RIN2: variants seen among roughly 807,000 people sequenced by gnomAD.
RIN2 encodes Ras and Rab interactor 2.
Under a neutral mutation model 78.0 loss-of-function variants are expected in RIN2, and 36 were observed. The observed-to-expected ratio is 0.46, with a 90% confidence interval of 0.35 to 0.61. RIN2 has a LOEUF of 0.61. Ranked by LOEUF, RIN2 falls within the 20% of genes least tolerant of loss-of-function variation. The pLI is 0.00. For synonymous variants in RIN2, 466 were observed against 466.8 expected (o/e 1.00, Z 0.02); for missense variants, 1,087 against 1,159.7 (o/e 0.94, Z 0.91).
intron 3 of RIN2, among the ~76,000 whole-genome samples, chr20:19,898,720 A>G (rs567891813): frequency 1.3e-5 from 2 of 152,328 alleles, no homozygotes; most frequent in South Asian, 4.1e-4. Flanking sequence ...CATTAATACC[A>G]CATAAGTCAA....
chr20:19,901,493 G>A (rs2038980357), intron 3 of RIN2, among the ~76,000 whole-genome samples: 1 of 152,176 alleles, frequency 6.6e-6, no homozygotes, highest in African/African-American at 2.4e-5. Flanking sequence ...CAATCAGTGT[G>A]CTACGATTGA....
At chr20:19,826,033 A>G (rs1248595467) in intron 2 of RIN2, among the ~76,000 whole-genome samples, 2 of 152,246 alleles carry the variant, frequency 1.3e-5, no homozygotes, top group Non-Finnish European at 2.9e-5. Context: ...TTCAGTTTAT[A>G]GCATAAAAGT....
intron 1 of RIN2, among the ~76,000 whole-genome samples, chr20:19,760,921 T>G (rs1396400458): frequency 1.3e-5 from 2 of 152,180 alleles, no homozygotes; most frequent in Non-Finnish European, 2.9e-5. Context: ...AGCAATACAG[T>G]GGACCTCACT....
At chr20:19,823,703 T>C (rs2035996412) in intron 2 of RIN2, 2 of 1,586,874 alleles carry the variant, frequency 1.3e-6, no homozygotes, top group Non-Finnish European at 1.7e-6. Context: ...GCTTTGATGA[T>C]CATGGCAGAG....
At chr20:19,894,616 C>A (rs1191907982) in intron 3 of RIN2, among the ~76,000 whole-genome samples, 5 of 152,182 alleles carry the variant, frequency 3.3e-5, no homozygotes, top group Non-Finnish European at 7.3e-5. Flanking sequence ...CCTTTCCTGT[C>A]CTATATCCTG....
At chr20:19,830,383 G>C (rs183467391) in intron 2 of RIN2, among the ~76,000 whole-genome samples, 21 of 152,154 alleles carry the variant, frequency 1.4e-4, no homozygotes, top group African/African-American at 4.8e-4. Flanking sequence ...TCTCTTTCAT[G>C]CTTCATTCTT....
intron 3 of RIN2, among the ~76,000 whole-genome samples, chr20:19,903,854 C>T (rs1016316664): frequency 2.8e-4 from 43 of 152,064 alleles, no homozygotes; most frequent in Non-Finnish European, 7.3e-5. Flanking sequence ...TATTTAGCAC[C>T]CAGTGTCCTG....
intron 2 of RIN2, among the ~76,000 whole-genome samples, chr20:19,844,698 C>CTCTTCT (rs869169793): frequency 0.02 from 532 of 26,190 alleles, 17 homozygotes; most frequent in South Asian, 0.064. Context: ...CTTCCTCTTC[C>CTCTTCT]TCTTCTTCTT....
At chr20:19,981,461 A>T (rs2042451355) in intron 9 of RIN2, among the ~76,000 whole-genome samples, 1 of 152,176 alleles carries the variant, frequency 6.6e-6, no homozygotes, top group Non-Finnish European at 1.5e-5. Flanking sequence ...CACTCAAGGG[A>T]TGGAGTAGAA....
chr20:19,937,301 G>A (rs2040685034), intron 4 of RIN2, among the ~76,000 whole-genome samples: 1 of 152,244 alleles, frequency 6.6e-6, no homozygotes, highest in South Asian at 2.1e-4. Flanking sequence ...AGACCAGTAG[G>A]TAGCAGAGTT....
intron 2 of RIN2, among the ~76,000 whole-genome samples, chr20:19,838,742 G>A (rs1026065723): frequency 1.3e-5 from 2 of 152,094 alleles, no homozygotes; most frequent in African/African-American, 4.8e-5. Flanking sequence ...GACAGGTTTG[G>A]CACTGTTTGG....
At chr20:19,808,528 G>C (rs536663510) in intron 2 of RIN2, among the ~76,000 whole-genome samples, 5 of 152,310 alleles carry the variant, frequency 3.3e-5, no homozygotes, top group Admixed American at 3.3e-4. Context: ...TTTTCTATTT[G>C]CACAGCAAAA....
At chr20:19,850,988 GAAAAGGAAGGAAGGAAGGAAGGAA>G (rs1417946274) in intron 2 of RIN2, among the ~76,000 whole-genome samples, 2 of 118,200 alleles carry the variant, frequency 1.7e-5, no homozygotes, top group Non-Finnish European at 3.4e-5. Flanking sequence ...AAGAAAGGGA[GAAAAGGAAGGAAGGAAGGAAGGAA>G]GGAAGGAAGG....
intron 1 of RIN2, among the ~76,000 whole-genome samples, chr20:19,780,632 G>A (rs1252059321): frequency 6.6e-6 from 1 of 152,318 alleles, no homozygotes; most frequent in African/African-American, 2.4e-5. Context: ...AAGGCCAGAT[G>A]GAGAGGTGGG....
intron 9 of RIN2, among the ~76,000 whole-genome samples, chr20:19,988,390 G>A (rs370152912): frequency 6.6e-6 from 1 of 152,204 alleles, no homozygotes; most frequent in Non-Finnish European, 1.5e-5. Context: ...AAAGTGCTGG[G>A]ATTACAGTCA....
chr20:19,783,370 C>G (rs960786253), intron 1 of RIN2, among the ~76,000 whole-genome samples: 1 of 152,154 alleles, frequency 6.6e-6, no homozygotes. Flanking sequence ...CATGCCACAC[C>G]AGGGTTCTCT....
intron 2 of RIN2, among the ~76,000 whole-genome samples, chr20:19,808,910 G>A (rs979798426): frequency 6.6e-6 from 1 of 152,202 alleles, no homozygotes; most frequent in African/African-American, 2.4e-5. Context: ...GGCAGAGCCG[G>A]CCTAAAGGGA....
At chr20:19,826,931 T>TG (rs1568788687) in intron 2 of RIN2, among the ~76,000 whole-genome samples, 3 of 151,126 alleles carry the variant, frequency 2.0e-5, no homozygotes, top group African/African-American at 7.3e-5. Flanking sequence ...TTTTTGTTAT[T>TG]GTTGGTGGTG....
Position 19,935,161 on chromosome 20 carries a change from C to T in RIN2, c.120C>T (p.Val40=), listed in dbSNP as rs1167885590. 6.2e-7 allele frequency: 1 copy of T among 1,604,372 alleles called. No individual in the cohort carries two copies. The highest frequency in any genetic ancestry group is 8.5e-7 in the Non-Finnish European group (1 of 1,175,388). The change falls in exon 4 of 13, where the codon GTC becomes GTT. Residue 40 remains valine (V), a synonymous_variant. Coordinates refer to ENST00000255006, the MANE Select transcript of RIN2 (RefSeq NM_018993.4). ...AACAGGAGATGGTGCGGACAGATGTCAACCTGGAAAATGGCCTGGAACCCG... is the reference window on the plus strand; with the variant it reads ...AACAGGAGATGGTGCGGACAGATGTTAACCTGGAAAATGGCCTGGAACCCG... The part of the protein sequence containing the change: ...ELKQEMVRTD[V]NLENGLEPAE...
Sources: allele counts gnomAD v4.1 joint callset (sites outside exome capture counted in the v4.1 genomes callset), GRCh38; gene constraint gnomAD v4.1.1; transcripts MANE v1.5; gene names NCBI Gene and HGNC (gene_info 2026-07-23, HGNC 2026-07-21).